PTER: variants seen among roughly 807,000 people sequenced by gnomAD.
PTER encodes the protein N-acetyltaurine hydrolase.
A neutral mutation model predicts 29.6 loss-of-function variants in PTER; 38 were observed. The observed-to-expected ratio is 1.28, with a 90% CI of 0.99 to 1.68. PTER has a LOEUF of 1.68. PTER is among the 40% of genes most tolerant of loss of function. The probability of loss-of-function intolerance (pLI) is 0.00; values close to 1 mark genes in which losing one functional copy is unlikely to be tolerated. For missense variants in PTER, 482 were observed against 427.8 expected (o/e 1.13, Z -1.12); for synonymous variants, 172 against 154.5 (o/e 1.11, Z -0.84).
chr10:16,474,121 G>A (rs1407688378), intron 1 of PTER, among the ~76,000 whole-genome samples: 4 of 152,186 alleles, frequency 2.6e-5, no homozygotes, highest in Non-Finnish European at 4.4e-5. Flanking sequence ...AGAGGCTGAG[G>A]CAGGAAAGTT....
chr10:16,449,641 G>A (rs910827265), intron 1 of PTER, among the ~76,000 whole-genome samples: 2 of 151,552 alleles, frequency 1.3e-5, no homozygotes, highest in Non-Finnish European at 2.9e-5. Context: ...TTTAAATTTT[G>A]TAGTTGAGTG....
chr10:16,463,633 C>A (rs1008872387), intron 1 of PTER, among the ~76,000 whole-genome samples: 2 of 152,178 alleles, frequency 1.3e-5, no homozygotes, highest in African/African-American at 4.8e-5. Flanking sequence ...CCAGGCTGGT[C>A]TCGAACTCCT....
chr10:16,483,679 C>A (rs990103951), intron 1 of PTER, among the ~76,000 whole-genome samples: 6 of 152,096 alleles, frequency 3.9e-5, no homozygotes, highest in African/African-American at 1.4e-4. Flanking sequence ...GAAACCCCAT[C>A]TCCTAAAAAT....
chr10:16,469,192 G>A (rs1485348430), intron 1 of PTER, among the ~76,000 whole-genome samples: 1 of 152,136 alleles, frequency 6.6e-6, no homozygotes, highest in Non-Finnish European at 1.5e-5. Flanking sequence ...GAGTGGGCTG[G>A]ATTTGCAAGC....
intron 1 of PTER, among the ~76,000 whole-genome samples, chr10:16,463,916 A>G (rs1588597209): frequency 6.6e-6 from 1 of 152,148 alleles, no homozygotes; most frequent in East Asian, 1.9e-4. Context: ...TAATAACCCC[A>G]TTTCCTCATT....
At chr10:16,444,782 T>C (rs1317779075) in intron 1 of PTER, among the ~76,000 whole-genome samples, 1 of 152,210 alleles carries the variant, frequency 6.6e-6, no homozygotes, top group Non-Finnish European at 1.5e-5. Flanking sequence ...CTATAATGCA[T>C]ACTATCTTTG....
chr10:16,486,713 C>G (rs530492474), intron 3 of PTER, 96 bp downstream of exon 3: 1 of 1,347,328 alleles, frequency 7.4e-7, no homozygotes, highest in Admixed American at 2.3e-5. Flanking sequence ...CAATACTAAT[C>G]ACGCAGAGAA....
chr10:16,513,715 A>C lies in PTER; in HGVS notation c.*2459A>C, dbSNP rs1255425934. The C allele has an allele frequency of 1.3e-5, 2 of 152,658 alleles. No homozygotes were observed. Among genetic ancestry groups the C allele is most frequent in the South Asian group, 2.1e-4 (1 of 4,828 alleles). 9.5% of individuals were successfully genotyped at this position (152,658 alleles called of 1,614,324 possible). A position where few individuals can be genotyped will look rare whatever the true frequency, so the allele number is the denominator to read the frequency against. The stretch of plus-strand genomic sequence containing the variant: ...AAAGCCTCGGTTTGATTTGATACTA[A>C]AGAATAAATTTCTCTGACTTTCCCA... On this transcript the variant is annotated 3_prime_UTR_variant, in exon 5 of 5. Transcript: ENST00000535784.
At chr10:16,452,950 A>G (rs1015979352) in intron 1 of PTER, among the ~76,000 whole-genome samples, 2 of 151,934 alleles carry the variant, frequency 1.3e-5, no homozygotes, top group African/African-American at 4.8e-5. Flanking sequence ...GAGTTTCACC[A>G]TGTTGCCCAG....
chr10:16,454,533 G>A (rs566291645), intron 1 of PTER, among the ~76,000 whole-genome samples: 92 of 151,592 alleles, frequency 6.1e-4, no homozygotes, highest in Middle Eastern at 3.4e-3. Context: ...CCAAGATCAC[G>A]CCACTGCACT....
chr10:16,511,629 T>G lies in PTER; in HGVS notation c.*373T>G. The G allele has an allele frequency of 5.0e-6, 1 of 201,456 alleles. No individual in the cohort carries two copies. The highest frequency in any genetic ancestry group is 1.0e-5 in the Non-Finnish European group (1 of 96,434). 12.5% of individuals were successfully genotyped at this position (201,456 alleles called of 1,614,324 possible). On this transcript the variant is annotated 3_prime_UTR_variant, in exon 5 of 5. Coordinates refer to ENST00000535784, the MANE Select transcript of PTER (RefSeq NM_001261836.2). Reference sequence around the variant, plus strand: ...ATTATTTCCTTCTTGAGCGATCTAATGTTTCTTGTAATATTGATGATCCTA... The same window carrying G: ...ATTATTTCCTTCTTGAGCGATCTAAGGTTTCTTGTAATATTGATGATCCTA...
intron 1 of PTER, among the ~76,000 whole-genome samples, chr10:16,461,112 T>C (rs1248066643): frequency 6.6e-6 from 1 of 152,180 alleles, no homozygotes; most frequent in African/African-American, 2.4e-5. Context: ...TATATAAGTA[T>C]ATAGATAAAT....
intron 1 of PTER, among the ~76,000 whole-genome samples, chr10:16,459,708 G>C (rs1178654730): frequency 6.6e-6 from 1 of 151,786 alleles, no homozygotes; most frequent in Non-Finnish European, 1.5e-5. Flanking sequence ...ACTTAGATAT[G>C]CTGTATATTT....
intron 1 of PTER, among the ~76,000 whole-genome samples, chr10:16,459,799 G>C (rs1834543290): frequency 6.6e-6 from 1 of 151,600 alleles, no homozygotes; most frequent in African/African-American, 2.4e-5. Context: ...CTCAGGCTGG[G>C]GTGCAATGCA....
intron 1 of PTER, among the ~76,000 whole-genome samples, chr10:16,456,870 G>GGC (rs145411927): frequency 0.037 from 5,562 of 149,572 alleles, 323 homozygotes; most frequent in East Asian, 0.17. Flanking sequence ...GGTGGGGGGG[G>GGC]GTTCCGCCAT....
At chr10:16,506,523 T>C (rs1836572861) in intron 4 of PTER, among the ~76,000 whole-genome samples, 1 of 152,212 alleles carries the variant, frequency 6.6e-6, no homozygotes, top group Admixed American at 6.5e-5. Flanking sequence ...TCAATAGATG[T>C]TGACTTTAAA....
intron 4 of PTER, among the ~76,000 whole-genome samples, chr10:16,507,467 G>A (rs1836619441): frequency 6.6e-6 from 1 of 152,110 alleles, no homozygotes; most frequent in African/African-American, 2.4e-5. Context: ...TGATGTCCAG[G>A]AACCATGAGA....
At chr10:16,477,142 A>C (rs879277952) in intron 1 of PTER, among the ~76,000 whole-genome samples, 58 of 152,062 alleles carry the variant, frequency 3.8e-4, no homozygotes, top group Non-Finnish European at 4.9e-4. Context: ...GAGCTCAAGC[A>C]GTCTGCCTGC....
the PTER span, among the ~76,000 whole-genome samples, chr10:16,518,913 C>T: frequency 6.6e-6 from 1 of 151,862 alleles, no homozygotes; most frequent in Non-Finnish European, 1.5e-5. Flanking sequence ...GAGTCCTGCC[C>T]GTTTTAGCCA....
Sources: allele counts gnomAD v4.1 joint callset (sites outside exome capture counted in the v4.1 genomes callset), GRCh38; gene constraint gnomAD v4.1.1; transcripts MANE v1.5; gene names NCBI Gene and HGNC (gene_info 2026-07-23, HGNC 2026-07-21).